ADAM2: variants seen among roughly 807,000 people sequenced by gnomAD.
ADAM2 encodes ADAM metallopeptidase domain 2.
ADAM2 carries 101 observed loss-of-function variants against 99.3 expected under a neutral mutation model. That is an observed-to-expected ratio of 1.02 (90% CI 0.87 to 1.20). The LOEUF is 1.20. ADAM2 is among the 50% of genes most tolerant of loss of function. The pLI, the probability that ADAM2 is intolerant of heterozygous loss-of-function variation, is 0.00. For synonymous variants in ADAM2, 323 were observed against 287.6 expected, an observed-to-expected ratio of 1.12 and a Z score of -1.25; for missense variants, 948 against 878.7, an observed-to-expected ratio of 1.08 and a Z score of -1.00.
At chr8:39,751,390 G>T (rs561371996) in intron 16 of ADAM2, among the ~76,000 whole-genome samples, 1 of 152,290 alleles carries the variant, frequency 6.6e-6, no homozygotes, top group East Asian at 1.9e-4. Flanking sequence ...TATATTAATT[G>T]TCTAGAGAAA....
At chr8:39,761,832 A>C (rs562656285) in intron 14 of ADAM2, among the ~76,000 whole-genome samples, 27 of 152,308 alleles carry the variant, frequency 1.8e-4, no homozygotes, top group Non-Finnish European at 2.5e-4. Flanking sequence ...CTGTAACCCC[A>C]GGACTTTGGG....
At position 39,824,906 on chromosome 8, in the gene ADAM2, T is replaced by C. The variant is rs956296951; in HGVS notation, c.189-9A>G. 3 of 1,289,338 alleles carry C rather than the reference T, an allele frequency of 2.3e-6. No individual in the cohort carries two copies. The highest frequency in any genetic ancestry group is 3.0e-5 in the African/African-American group (2 of 67,314). The allele number at this position is 1,289,338 out of a possible 1,614,324, so 79.9% of individuals were successfully genotyped here. On this transcript the variant is annotated splice_polypyrimidine_tract_variant and intron_variant, in intron 3 of 20. Transcript: ENST00000265708. ...TATGGGGTAAAAAGTTTCTGTAACA[T>C]AAAGATAAAATGGAAAAATTTGATT... is the stretch of plus-strand genomic sequence containing the variant.
At chr8:39,745,125 C>A (rs1005300341) in intron 19 of ADAM2, among the ~76,000 whole-genome samples, 1 of 152,016 alleles carries the variant, frequency 6.6e-6, no homozygotes, top group Non-Finnish European at 1.5e-5. Flanking sequence ...TATGTTTACC[C>A]GAAAAGAAAC....
At chr8:39,770,662 G>C (rs1467634134) in intron 11 of ADAM2, among the ~76,000 whole-genome samples, 1 of 152,142 alleles carries the variant, frequency 6.6e-6, no homozygotes, top group Non-Finnish European at 1.5e-5. Flanking sequence ...ATAAAGTTGT[G>C]AGAGTATCAT....
At chr8:39,819,324 A>G (rs1805081040) in intron 6 of ADAM2, among the ~76,000 whole-genome samples, 1 of 152,172 alleles carries the variant, frequency 6.6e-6, no homozygotes, top group South Asian at 2.1e-4. Context: ...GGATATTGAT[A>G]TAAAAAAATT....
chr8:39,747,316 C>G (rs920149073), intron 18 of ADAM2, among the ~76,000 whole-genome samples: 5 of 152,124 alleles, frequency 3.3e-5, no homozygotes, highest in African/African-American at 9.7e-5. Context: ...AATAAAAACA[C>G]AATCCATTAA....
At chr8:39,779,432 A>T (rs974681981) in intron 10 of ADAM2, among the ~76,000 whole-genome samples, 1 of 152,146 alleles carries the variant, frequency 6.6e-6, no homozygotes, top group South Asian at 2.1e-4. Flanking sequence ...GAATATAGTC[A>T]CATTGGAGGT....
At chr8:39,834,931 CAT>C (rs1028403652) in intron 2 of ADAM2, among the ~76,000 whole-genome samples, 6 of 152,056 alleles carry the variant, frequency 3.9e-5, no homozygotes, top group African/African-American at 9.7e-5. Context: ...TTCATATCCA[CAT>C]GTGTCTGTGC....
chr8:39,788,526 C>T, intron 8 of ADAM2, 143 bp downstream of exon 8: 1 of 584,446 alleles, frequency 1.7e-6, no homozygotes, highest in Non-Finnish European at 2.8e-6. Context: ...ATTATTATTC[C>T]CACTTCAGAT....
chr8:39,825,470 AGT>A (rs1449071415), intron 3 of ADAM2, among the ~76,000 whole-genome samples: 3 of 152,122 alleles, frequency 2.0e-5, no homozygotes, highest in Non-Finnish European at 2.9e-5. Flanking sequence ...CCCAAGCATT[AGT>A]ATTGTTTGCC....
intron 7 of ADAM2, among the ~76,000 whole-genome samples, chr8:39,794,573 C>T (rs970112325): frequency 2.0e-5 from 3 of 152,234 alleles, no homozygotes; most frequent in Middle Eastern, 3.4e-3. Context: ...AGTTAAAGAT[C>T]GACCCCTGAC....
intron 9 of ADAM2, among the ~76,000 whole-genome samples, chr8:39,787,316 T>G (rs1803506149): frequency 6.6e-6 from 1 of 150,904 alleles, no homozygotes; most frequent in Non-Finnish European, 1.5e-5. Flanking sequence ...ACAGAAAAAC[T>G]GAAGAAAAAA....
At chr8:39,773,878 G>C (rs1442033358) in intron 11 of ADAM2, among the ~76,000 whole-genome samples, 3 of 151,782 alleles carry the variant, frequency 2.0e-5, no homozygotes, top group Non-Finnish European at 4.4e-5. Context: ...GGAATTGCAA[G>C]AGAATTACTA....
chr8:39,779,312 C>A (rs755088593), intron 10 of ADAM2, among the ~76,000 whole-genome samples: 1 of 151,970 alleles, frequency 6.6e-6, no homozygotes. Context: ...CCTCTATGTG[C>A]GCATGGAGAG....
chr8:39,821,316 T>C (rs1028345042), intron 5 of ADAM2, 146 bp from the exon 6 acceptor site: 22 of 648,140 alleles, frequency 3.4e-5, no homozygotes, highest in Middle Eastern at 8.5e-4. Flanking sequence ...TTACTGGGTA[T>C]CCACAAACTT....
chr8:39,786,899 T>A, intron 10 of ADAM2, 75 bp downstream of exon 10: 1 of 1,161,520 alleles, frequency 8.6e-7, no homozygotes, highest in South Asian at 1.6e-5. Context: ...TTAATACACA[T>A]AAAAATTAAA....
At chr8:39,792,924 G>A (rs1803782528) in intron 7 of ADAM2, among the ~76,000 whole-genome samples, 1 of 152,056 alleles carries the variant, frequency 6.6e-6, no homozygotes, top group Non-Finnish European at 1.5e-5. Flanking sequence ...ACTGGGTCGG[G>A]AAGACAGTGA....
At chr8:39,786,671 G>A (rs1007176600) in intron 10 of ADAM2, among the ~76,000 whole-genome samples, 11 of 151,978 alleles carry the variant, frequency 7.2e-5, no homozygotes, top group African/African-American at 2.7e-4. Flanking sequence ...CTAAGTTTTA[G>A]CCGAAATTAA....
intron 16 of ADAM2, among the ~76,000 whole-genome samples, chr8:39,755,443 G>A (rs1200975842): frequency 1.3e-5 from 2 of 152,206 alleles, no homozygotes; most frequent in Non-Finnish European, 2.9e-5. Context: ...AGGAGGCTGA[G>A]GTGGGTGGAT....
Sources: gnomAD v4.1 joint callset for allele counts (sites outside exome capture counted in the v4.1 genomes callset) on GRCh38, gnomAD v4.1.1 for gene constraint, MANE v1.5 for transcripts, NCBI Gene and HGNC (gene_info 2026-07-23, HGNC 2026-07-21) for gene names.